Variants in NRXN1 observed in about 807,000 individuals in gnomAD.
NRXN1 encodes neurexin 1, also known as neurexin-1.
In NRXN1, 39 loss-of-function variants were observed where a neutral mutation model predicts 150.9. That is an observed-to-expected ratio of 0.26 (90% CI 0.20 to 0.34). The LOEUF is 0.34. Ranked by LOEUF, NRXN1 falls within the 10% of genes least tolerant of loss-of-function variation. The pLI, the probability that NRXN1 is intolerant of heterozygous loss-of-function variation, is 1.00. For missense variants in NRXN1, 1,815 were observed against 1,949.9 expected, an observed-to-expected ratio of 0.93 and a Z score of 1.30; for synonymous variants, 924 against 757.0, an observed-to-expected ratio of 1.22 and a Z score of -3.62.
intron 17 of NRXN1, among the ~76,000 whole-genome samples, chr2:50,257,634 C>T (rs1219452406): frequency 1.3e-5 from 2 of 151,750 alleles, no homozygotes; most frequent in African/African-American, 2.4e-5. Context: ...GAAGTGCCAA[C>T]GAGTAATTTT....
At chr2:50,590,864 A>T (rs1417590165) in intron 8 of NRXN1, among the ~76,000 whole-genome samples, 1 of 152,142 alleles carries the variant, frequency 6.6e-6, no homozygotes, top group Non-Finnish European at 1.5e-5. Context: ...TTTTTGTTAT[A>T]GCAGTCAGAA....
chr2:50,222,925 G>A (rs552445628), intron 18 of NRXN1, among the ~76,000 whole-genome samples: 1 of 151,918 alleles, frequency 6.6e-6, no homozygotes, highest in South Asian at 2.1e-4. Context: ...TATATTATAT[G>A]CTGTTTTTAC....
At chr2:50,439,448 G>A (rs1040445078) in intron 17 of NRXN1, among the ~76,000 whole-genome samples, 1 of 152,186 alleles carries the variant, frequency 6.6e-6, no homozygotes, top group Non-Finnish European at 1.5e-5. Context: ...TATACATGCA[G>A]TAGCAGTTCT....
chr2:50,109,619 A>G (rs1702116376), intron 18 of NRXN1, among the ~76,000 whole-genome samples: 1 of 152,028 alleles, frequency 6.6e-6, no homozygotes, highest in African/African-American at 2.4e-5. Flanking sequence ...AAATGAAAAG[A>G]AAAAGAAAAC....
chr2:50,445,186 C>T (rs997584447), intron 17 of NRXN1, among the ~76,000 whole-genome samples: 1 of 152,052 alleles, frequency 6.6e-6, no homozygotes, highest in African/African-American at 2.4e-5. Flanking sequence ...GCCCGCAATA[C>T]CCCACATAAC....
rs1023848870 is a variant in NRXN1, at chr2:50,728,725, G to A, written c.833-105110C>T. ...ACAACAGCTGAGCACTTGCATCATTGTTCTGGAGGGCAACACTGATTACCC... is the reference window on the plus strand; with the variant it reads ...ACAACAGCTGAGCACTTGCATCATTATTCTGGAGGGCAACACTGATTACCC... On this transcript the variant is annotated intron_variant, in intron 5 of 22. Coordinates refer to ENST00000401669, the MANE Select transcript of NRXN1 (RefSeq NM_001330078.2). Among the ~76,000 whole-genome samples the A allele has an allele frequency of 2.0e-5, 3 of 152,210 alleles. No individual in the cohort carries two copies. The South Asian group carries it at 6.2e-4, about 32-fold the overall frequency.
At chr2:50,322,363 C>T (rs1191336183) in intron 17 of NRXN1, among the ~76,000 whole-genome samples, 1 of 152,118 alleles carries the variant, frequency 6.6e-6, no homozygotes, top group Non-Finnish European at 1.5e-5. Context: ...AATAATCTGA[C>T]CATCAAGAAC....
intron 5 of NRXN1, among the ~76,000 whole-genome samples, chr2:50,629,145 A>G (rs1681761287): frequency 1.3e-5 from 2 of 151,710 alleles, no homozygotes; most frequent in Non-Finnish European, 3.0e-5. Flanking sequence ...AAAAATACAC[A>G]TATCATCAGA....
At chr2:50,874,567 C>G (rs1678283927) in intron 5 of NRXN1, among the ~76,000 whole-genome samples, 1 of 151,636 alleles carries the variant, frequency 6.6e-6, no homozygotes, top group Non-Finnish European at 1.5e-5. Context: ...ATGCTTTTAT[C>G]CTAAAAAGTG....
chr2:50,872,262 T>C (rs1363102194), intron 5 of NRXN1, among the ~76,000 whole-genome samples: 1 of 151,790 alleles, frequency 6.6e-6, no homozygotes, highest in Non-Finnish European at 1.5e-5. Flanking sequence ...GACCAAAAGA[T>C]GAACTAAAAT....
chr2:50,590,703 T>C (rs989608106), intron 8 of NRXN1, among the ~76,000 whole-genome samples: 1 of 152,146 alleles, frequency 6.6e-6, no homozygotes, highest in Non-Finnish European at 1.5e-5. Flanking sequence ...ACTTCTGCTA[T>C]GTGAGGATAC....
intron 17 of NRXN1, among the ~76,000 whole-genome samples, chr2:50,420,644 C>T (rs1245164801): frequency 6.6e-6 from 1 of 151,900 alleles, no homozygotes; most frequent in African/African-American, 2.4e-5. Context: ...TTAAAAGTAC[C>T]TTAAGGATGA....
intron 12 of NRXN1, among the ~76,000 whole-genome samples, chr2:50,526,114 G>A (rs867626337): frequency 6.6e-6 from 1 of 152,134 alleles, no homozygotes; most frequent in Non-Finnish European, 1.5e-5. Context: ...CTTGGCGGTG[G>A]GGTAGGGAAA....
chr2:51,018,846 T>A (rs977559186), intron 2 of NRXN1, among the ~76,000 whole-genome samples: 2 of 152,110 alleles, frequency 1.3e-5, no homozygotes, highest in African/African-American at 2.4e-5. Flanking sequence ...TATTATTTAG[T>A]TGCAATATTT....
At chr2:50,281,859 TTCCCAAACA>T (rs1466493930) in intron 17 of NRXN1, among the ~76,000 whole-genome samples, 1 of 152,152 alleles carries the variant, frequency 6.6e-6, no homozygotes, top group African/African-American at 2.4e-5. Context: ...CTTGAACTCC[TTCCCAAACA>T]TCTTTAAAGA....
At chr2:50,311,907 G>A (rs1405336019) in intron 17 of NRXN1, among the ~76,000 whole-genome samples, 1 of 151,980 alleles carries the variant, frequency 6.6e-6, no homozygotes, top group Admixed American at 6.6e-5. Context: ...ACAATTGGAG[G>A]AATAGTGTCA....
intron 17 of NRXN1, among the ~76,000 whole-genome samples, chr2:50,460,702 C>G (rs1415231482): frequency 6.6e-6 from 1 of 151,998 alleles, no homozygotes; most frequent in Non-Finnish European, 1.5e-5. Flanking sequence ...ATTACATTTT[C>G]TTACTTAGTA....
In NRXN1 at chr2:50,329,799, G is replaced by A. The variant is rs143355852; in HGVS notation, c.3365-92829C>T. Among the ~76,000 whole-genome samples, 310 of 149,358 alleles carry A rather than the reference G, an allele frequency of 2.1e-3. 2 individuals carry two copies. Among genetic ancestry groups the A allele is most frequent in the African/African-American group, 7.3e-3 (299 of 40,686 alleles). ...AATGATTCTCCAGCCTCAGTCTCCC[G>A]AGTAGCTAGGAATATAGGCATGTGC... On this transcript the variant is annotated intron_variant, in intron 17 of 22. Transcript: ENST00000401669.
chr2:51,018,180 T>C (rs1669034953), intron 2 of NRXN1, among the ~76,000 whole-genome samples: 1 of 152,122 alleles, frequency 6.6e-6, no homozygotes, highest in South Asian at 2.1e-4. Context: ...GAATTCATTA[T>C]GTCTATAATT....
Sources: allele counts gnomAD v4.1 joint callset (sites outside exome capture counted in the v4.1 genomes callset), GRCh38; gene constraint gnomAD v4.1.1; transcripts MANE v1.5; gene names NCBI Gene and HGNC (gene_info 2026-07-23, HGNC 2026-07-21).